The following DCST2 variants were observed in gnomAD, a reference collection of about 807,000 sequenced individuals.
DCST2 encodes the protein DC-STAMP domain-containing protein 2.
In DCST2, 64 loss-of-function variants were observed where a neutral mutation model predicts 81.8. The observed-to-expected ratio is 0.78, with a 90% CI of 0.64 to 0.96. The LOEUF is 0.96. DCST2 is among the 40% of genes least tolerant of loss of function. DCST2 has a pLI of 0.00. For missense variants in DCST2, 945 were observed against 1,001.4 expected, an observed-to-expected ratio of 0.94 and a Z score of 0.76; for synonymous variants, 354 against 402.6, an observed-to-expected ratio of 0.88 and a Z score of 1.44.
intron 4 of DCST2, 78 bp from the exon 5 acceptor site, chr1:155,031,312 A>G (rs1660069664): frequency 1.8e-5 from 25 of 1,428,258 alleles, no homozygotes; most frequent in Non-Finnish European, 2.3e-5. Context: ...ACCTCTTCTC[A>G]CAGGGCCTCT....
chr1:155,033,034 T>G, intron 2 of DCST2, 60 bp downstream of exon 2: 2 of 1,467,930 alleles, frequency 1.4e-6, no homozygotes, highest in Non-Finnish European at 1.8e-6. Flanking sequence ...CTGTAGAACA[T>G]GCAGGATGAG....
In DCST2 at chr1:155,033,115, T is replaced by G; in HGVS notation, c.418A>C (p.Arg140=). Residue 140 remains arginine, a synonymous_variant, in exon 2 of 15, where the codon AGG becomes CGG. Coordinates refer to ENST00000368424, the MANE Select transcript of DCST2 (RefSeq NM_144622.3). ...ALNQTAEVLQ[R]AKQPLVSALN... Reference sequence around the variant, plus strand: ...TTACTGACAAGAGGTTGCTTGGCCCTCTGTAGCACTTCGGCGGTCTGGTTC... The same window carrying G: ...TTACTGACAAGAGGTTGCTTGGCCCGCTGTAGCACTTCGGCGGTCTGGTTC... 6.3e-7 allele frequency: 1 copy of G among 1,589,282 alleles called. No homozygotes were observed. Among genetic ancestry groups the G allele is most frequent in the East Asian group, 2.2e-5 (1 of 44,454 alleles).
At chr1:155,033,024 C>T in intron 2 of DCST2, 70 bp downstream of exon 2, 1 of 1,453,630 alleles carries the variant, frequency 6.9e-7, no homozygotes, top group Non-Finnish European at 9.2e-7. Flanking sequence ...GGCCAAAGGA[C>T]TGTAGAACAT....
chr1:155,031,838 A>G, intron 3 of DCST2, 67 bp from the exon 4 acceptor site: 1 of 1,506,204 alleles, frequency 6.6e-7, no homozygotes. Context: ...GGTTTTGGGG[A>G]ACAATACCAC....
Position 155,023,182 on chromosome 1 carries a change from T to C in DCST2, c.2040A>G (p.Leu680=). 6.2e-7 allele frequency: 1 copy of C among 1,614,142 alleles called. No individual in the cohort carries two copies. The part of the protein sequence containing the change: ...AQRKDPEQAW[L]LQQQLQEVLG... ...GCACTTCTTGGAGCTGTTGCTGCAA[T>C]AACCATGCCTGCTCAGGGTCCTTCC... Residue 680 remains leucine (L), a synonymous_variant, in exon 14 of 15, where the codon TTA becomes TTG. Coordinates refer to ENST00000368424, the MANE Select transcript of DCST2 (RefSeq NM_144622.3).
rs1157121043 is a variant in DCST2 at position 155,023,827 on chromosome 1, C to G, written c.1870+5G>C. ...GGGAGAGGCACACGCCCCAGGGGGT[C>G]TCACCTTGGCAGCCGGGGGTACTGC... On this transcript the variant is annotated splice_donor_5th_base_variant and intron_variant, in intron 12 of 14. Transcript: ENST00000368424. The G allele has an allele frequency of 2.5e-6, 4 of 1,613,308 alleles. No homozygotes were observed. Among genetic ancestry groups the G allele is most frequent in the Non-Finnish European group, 3.4e-6 (4 of 1,179,754 alleles).
intron 3 of DCST2, among the ~76,000 whole-genome samples, chr1:155,032,256 T>C (rs985171846): frequency 3.3e-4 from 50 of 152,056 alleles, no homozygotes; most frequent in African/African-American, 1.2e-3. Context: ...CCTCCCAAAG[T>C]GCTGGGATTA....
chr1:155,026,411 A>G lies in DCST2; in HGVS notation c.1511-9T>C. 1.2e-6 allele frequency: 2 copies of G among 1,613,678 alleles called. No homozygotes were observed. Among genetic ancestry groups the G allele is most frequent in the South Asian group, 2.2e-5 (2 of 91,080 alleles). Reference sequence around the variant, plus strand: ...TAGGCCATACATGACGCCTGGGAGCACAGCAGCCACAGTCAGCCTCACCAG... The same window carrying G: ...TAGGCCATACATGACGCCTGGGAGCGCAGCAGCCACAGTCAGCCTCACCAG... On this transcript the variant is annotated splice_polypyrimidine_tract_variant and intron_variant, in intron 9 of 14. Coordinates refer to ENST00000368424, the MANE Select transcript of DCST2 (RefSeq NM_144622.3).
At position 155,023,378 on chromosome 1, in the gene DCST2, GT is replaced by G; in HGVS notation, c.1949del (p.Asp650AlafsTer?). On this transcript the variant is annotated frameshift_variant, in exon 13 of 15. Coordinates refer to ENST00000368424, the MANE Select transcript of DCST2 (RefSeq NM_144622.3). LOFTEE classifies it high-confidence loss of function. ...VCASPLSYQG[D>X]LDLELDSSDE... ...GAAAGACTCACAGCTCCAGGTCCAG[GT>G]CCCCCTGGTAGGAGAGGGGAGATGC... 6.2e-7 allele frequency: 1 copy of G among 1,608,766 alleles called. No individual in the cohort carries two copies.
rs147359914 is a variant in DCST2 at position 155,030,177 on chromosome 1, G to A, written c.1084C>T (p.Arg362Ter). Residue 362 changes from arginine (R) to a stop codon, truncating the protein, a stop_gained, in exon 7 of 15, where the codon CGA (arginine) becomes TGA (stop). Coordinates refer to ENST00000368424, the MANE Select transcript of DCST2 (RefSeq NM_144622.3). LOFTEE classifies it high-confidence loss of function. ...DHYDNIYITS[R>*]FLRMEAVRST... Reference sequence around the variant, plus strand: ...CGCACAGCCTCCATGCGCAGGAATCGGCTAGTGATGTAGATATTGTCATAA... The same window carrying A: ...CGCACAGCCTCCATGCGCAGGAATCAGCTAGTGATGTAGATATTGTCATAA... 103 of 1,614,046 alleles carry A rather than the reference G, an allele frequency of 6.4e-5. No homozygotes were observed. The highest frequency in any genetic ancestry group is 3.3e-4 in the African/African-American group (25 of 74,922).
intron 2 of DCST2, 50 bp downstream of exon 2, chr1:155,033,043 AG>A (rs1368565546): frequency 3.4e-6 from 5 of 1,473,892 alleles, no homozygotes; most frequent in South Asian, 2.8e-5. Flanking sequence ...ATGCAGGATG[AG>A]GGGGGCGAGG....
chr1:155,019,112 C>T (rs575481297), intron 14 of DCST2, among the ~76,000 whole-genome samples: 1 of 152,196 alleles, frequency 6.6e-6, no homozygotes, highest in Non-Finnish European at 1.5e-5. Context: ...CTTTGCTTCC[C>T]CTTCAACCTC....
intron 8 of DCST2, among the ~76,000 whole-genome samples, chr1:155,028,255 A>G (rs1400551571): frequency 6.6e-6 from 1 of 152,158 alleles, no homozygotes; most frequent in African/African-American, 2.4e-5. Context: ...TATTCCTTAC[A>G]GTGACCCAGA....
In DCST2 at chr1:155,033,260, C is replaced by T. The variant is rs751096984; in HGVS notation, c.273G>A (p.Gln91=). The T allele has an allele frequency of 1.2e-5, 19 of 1,609,740 alleles. 1 individual carries two copies. The highest frequency in any genetic ancestry group is 1.5e-5 in the Non-Finnish European group (18 of 1,178,306). ...CAGCCACCAACAGTAGTGTCCGGCCCTGCCCTGGGGGCGACAGCTTTGTTA... is the reference window on the plus strand; with the variant it reads ...CAGCCACCAACAGTAGTGTCCGGCCTTGCCCTGGGGGCGACAGCTTTGTTA... ...LLLLPQAFSR[Q]GRTLLLVAAF... The change falls in exon 2 of 15, where the codon CAG becomes CAA. Residue 91 remains glutamine (Q), a synonymous_variant. Transcript: ENST00000368424.
At chr1:155,024,891 G>A (rs1209582627) in intron 10 of DCST2, among the ~76,000 whole-genome samples, 3 of 152,060 alleles carry the variant, frequency 2.0e-5, no homozygotes, top group Non-Finnish European at 2.9e-5. Flanking sequence ...GCTCACGCCT[G>A]TAATCCCAGC....
rs374439255 is a variant in DCST2, at chr1:155,031,168, C to T, written c.805+1G>A. The T allele has an allele frequency of 5.7e-5, 91 of 1,588,856 alleles. No homozygotes were observed. The highest frequency in any genetic ancestry group is 6.9e-5 in the Non-Finnish European group (81 of 1,170,986). On this transcript the variant is annotated splice_donor_variant, in intron 5 of 14. Coordinates refer to ENST00000368424, the MANE Select transcript of DCST2 (RefSeq NM_144622.3). LOFTEE classifies it high-confidence loss of function. ...ATATGTGGCAGGAGGGGGTCACTCA[C>T]GGGTGCCGATGGTCTGGCGCAAGAA...
rs749552837 is a variant in DCST2 at position 155,033,276 on chromosome 1, A to G, written c.269-12T>C. 6.2e-7 allele frequency: 1 copy of G among 1,604,044 alleles called. No individual in the cohort carries two copies. On this transcript the variant is annotated splice_polypyrimidine_tract_variant and intron_variant, in intron 1 of 14. Coordinates refer to ENST00000368424, the MANE Select transcript of DCST2 (RefSeq NM_144622.3). ...TGTCCGGCCCTGCCCTGGGGGCGACAGCTTTGTTAGAACCAAGACCCCAGC... is the reference window on the plus strand; with the variant it reads ...TGTCCGGCCCTGCCCTGGGGGCGACGGCTTTGTTAGAACCAAGACCCCAGC...
Position 155,027,198 on chromosome 1 carries a change from ATTTTTT to A in DCST2, c.1343-489_1343-484del, listed in dbSNP as rs900841532. Reference sequence around the variant, plus strand: ...TAGGCACGTGCCACCACGACCGGCTATTTTTTTTTTTTTTTTTTTTTTGTAAAGAGA... The same window carrying A: ...TAGGCACGTGCCACCACGACCGGCTATTTTTTTTTTTTTTTTGTAAAGAGA... On this transcript the variant is annotated intron_variant, in intron 8 of 14. Coordinates refer to ENST00000368424, the MANE Select transcript of DCST2 (RefSeq NM_144622.3). 2.1e-3 allele frequency among the ~76,000 whole-genome samples: 200 copies of A among 94,218 alleles called. 1 individual carries two copies. The highest frequency in any genetic ancestry group is 8.2e-3 in the African/African-American group (194 of 23,742). The allele number at this position is 94,218 out of a possible 152,430, so 61.8% of individuals were successfully genotyped here.
chr1:155,030,139 C>A lies in DCST2; in HGVS notation c.1122G>T (p.Gly374=), dbSNP rs1176402042. The A allele has an allele frequency of 1.2e-6, 2 of 1,614,038 alleles. No individual in the cohort carries two copies. Among genetic ancestry groups the A allele is most frequent in the Non-Finnish European group, 1.7e-6 (2 of 1,180,034 alleles). Residue 374 remains glycine (G), a synonymous_variant, in exon 7 of 15, where the codon GGG becomes GGT. Coordinates refer to ENST00000368424, the MANE Select transcript of DCST2 (RefSeq NM_144622.3). The part of the protein sequence containing the change: ...LRMEAVRSTA[G]LPTVLPLSAH... ...CACTGAGCGGTAGCACTGTGGGCAGCCCTGCCGTGGAGCGCACAGCCTCCA... is the reference window on the plus strand; with the variant it reads ...CACTGAGCGGTAGCACTGTGGGCAGACCTGCCGTGGAGCGCACAGCCTCCA...
Sources: gnomAD v4.1 joint callset for allele counts (sites outside exome capture counted in the v4.1 genomes callset) on GRCh38, gnomAD v4.1.1 for gene constraint, MANE v1.5 for transcripts, NCBI Gene and HGNC (gene_info 2026-07-23, HGNC 2026-07-21) for gene names.